Variants in UNC5C observed in about 807,000 individuals in gnomAD.
UNC5C encodes netrin receptor UNC5C.
In UNC5C, 47 loss-of-function variants were observed where a neutral mutation model predicts 99.8. The observed-to-expected ratio is 0.47, with a 90% CI of 0.37 to 0.60. The LOEUF (loss-of-function observed/expected upper bound fraction) is 0.60. Ranked by LOEUF, UNC5C falls within the 20% of genes least tolerant of loss-of-function variation. UNC5C has a pLI of 0.00. For missense variants in UNC5C, 1,062 were observed against 1,165.9 expected, an observed-to-expected ratio of 0.91 and a Z score of 1.30; for synonymous variants, 487 against 452.2, an observed-to-expected ratio of 1.08 and a Z score of -0.98.
chr4:95,515,126 T>C lies in UNC5C; in HGVS notation c.124+33608A>G, dbSNP rs80335841. 3.5e-3 allele frequency among the ~76,000 whole-genome samples: 533 copies of C among 152,308 alleles called. 2 individuals are homozygous for C. Among genetic ancestry groups the C allele is most frequent in the African/African-American group, 0.013 (523 of 41,570 alleles). On this transcript the variant is annotated intron_variant, in intron 1 of 15. Coordinates refer to ENST00000453304, the MANE Select transcript of UNC5C (RefSeq NM_003728.4). ...TCAACTGTTTTACACATACTTTATA[T>C]ATGTAACATGGAAAGCTAACAATGA... is the stretch of plus-strand genomic sequence containing the variant.
At chr4:95,357,546 G>A (rs1389578518) in intron 1 of UNC5C, among the ~76,000 whole-genome samples, 1 of 152,078 alleles carries the variant, frequency 6.6e-6, no homozygotes, top group African/African-American at 2.4e-5. Context: ...ACTTTGGGAG[G>A]CTGAGGCCAG....
At chr4:95,506,433 T>C (rs1721924609) in intron 1 of UNC5C, among the ~76,000 whole-genome samples, 1 of 151,942 alleles carries the variant, frequency 6.6e-6, no homozygotes, top group South Asian at 2.1e-4. Flanking sequence ...TGCATGATGG[T>C]TTTTGGCTCT....
intron 3 of UNC5C, among the ~76,000 whole-genome samples, chr4:95,299,779 C>T (rs888315315): frequency 6.6e-6 from 1 of 152,140 alleles, no homozygotes; most frequent in African/African-American, 2.4e-5. Context: ...TAGGGAAAAT[C>T]CACCCCCATG....
At chr4:95,443,339 A>G (rs1038312690) in intron 1 of UNC5C, among the ~76,000 whole-genome samples, 3 of 152,214 alleles carry the variant, frequency 2.0e-5, no homozygotes, top group African/African-American at 7.2e-5. Context: ...TTATTTTTCA[A>G]GTATAATTAG....
chr4:95,504,755 G>C (rs1220717994), intron 1 of UNC5C, among the ~76,000 whole-genome samples: 1 of 151,938 alleles, frequency 6.6e-6, no homozygotes, highest in East Asian at 1.9e-4. Context: ...TCTTTAAAAA[G>C]CTTTTGCAAA....
chr4:95,521,722 A>G (rs1447752292), intron 1 of UNC5C, among the ~76,000 whole-genome samples: 2 of 152,374 alleles, frequency 1.3e-5, no homozygotes, highest in East Asian at 3.9e-4. Context: ...AGCTACGTAG[A>G]TATTCATAAA....
chr4:95,475,690 G>A lies in UNC5C; in HGVS notation c.124+73044C>T, dbSNP rs150305529. Among the ~76,000 whole-genome samples the A allele has an allele frequency of 2.6e-3, 400 of 152,146 alleles. 2 individuals are homozygous for A. Among genetic ancestry groups the A allele is most frequent in the African/African-American group, 9.1e-3 (377 of 41,540 alleles). On this transcript the variant is annotated intron_variant, in intron 1 of 15. Transcript: ENST00000453304. ...TCACAAAAAAGGGTTTTAAAAATAA[G>A]TTCTCCCATACTAAAACAAACAGCT...
intron 1 of UNC5C, among the ~76,000 whole-genome samples, chr4:95,412,671 A>G (rs1578148829): frequency 6.6e-6 from 1 of 152,212 alleles, no homozygotes; most frequent in East Asian, 1.9e-4. Flanking sequence ...ACCATTTACA[A>G]TTTATTTCAT....
intron 10 of UNC5C, among the ~76,000 whole-genome samples, chr4:95,207,354 T>C (rs1052614337): frequency 5.9e-5 from 9 of 152,176 alleles, no homozygotes; most frequent in African/African-American, 2.2e-4. Flanking sequence ...AATATAGAAC[T>C]GTATTTATAC....
chr4:95,258,743 A>ACTCTTTTTTTTTT (rs1184674099), intron 4 of UNC5C, among the ~76,000 whole-genome samples: 1 of 85,868 alleles, frequency 1.2e-5, no homozygotes. Flanking sequence ...CGACCATCTT[A>ACTCTTTTTTTTTT]TTCTTTTTTT....
At chr4:95,341,917 C>G (rs1254628604) in intron 1 of UNC5C, among the ~76,000 whole-genome samples, 1 of 152,008 alleles carries the variant, frequency 6.6e-6, no homozygotes, top group Non-Finnish European at 1.5e-5. Context: ...ACAGCAGAAA[C>G]CAAAATGGGG....
chr4:95,348,627 C>G (rs1743869093), intron 1 of UNC5C, among the ~76,000 whole-genome samples: 1 of 148,550 alleles, frequency 6.7e-6, no homozygotes, highest in African/African-American at 2.5e-5. Flanking sequence ...CTGTATAGTA[C>G]TCCATTGTGT....
At chr4:95,325,742 G>A (rs889288716) in intron 2 of UNC5C, among the ~76,000 whole-genome samples, 3 of 152,062 alleles carry the variant, frequency 2.0e-5, no homozygotes, top group Non-Finnish European at 2.9e-5. Flanking sequence ...AAGAGCAAAG[G>A]CCTTCAAGAA....
chr4:95,186,432 T>A (rs1736832580), intron 12 of UNC5C, among the ~76,000 whole-genome samples: 1 of 152,112 alleles, frequency 6.6e-6, no homozygotes, highest in African/African-American at 2.4e-5. Context: ...GAAAAATGCA[T>A]CCACCTTGCA....
intron 3 of UNC5C, among the ~76,000 whole-genome samples, chr4:95,284,544 T>C (rs1374709740): frequency 6.6e-6 from 1 of 152,158 alleles, no homozygotes. Context: ...CACAGAACTT[T>C]TTGGACACTT....
chr4:95,270,146 G>T (rs551690912), intron 4 of UNC5C, among the ~76,000 whole-genome samples: 2 of 152,272 alleles, frequency 1.3e-5, no homozygotes, highest in South Asian at 2.1e-4. Context: ...CTGGTGAAAG[G>T]TATCTCACCT....
intron 1 of UNC5C, among the ~76,000 whole-genome samples, chr4:95,491,518 G>A (rs918983975): frequency 6.6e-6 from 1 of 151,574 alleles, no homozygotes; most frequent in Non-Finnish European, 1.5e-5. Context: ...TTACTGTGCA[G>A]TTAGTTGTTA....
intron 1 of UNC5C, among the ~76,000 whole-genome samples, chr4:95,455,984 A>G (rs1024489387): frequency 1.3e-5 from 2 of 152,144 alleles, no homozygotes; most frequent in Non-Finnish European, 2.9e-5. Flanking sequence ...TTTGAAAGCC[A>G]GCTGGATAGA....
chr4:95,447,270 C>G (rs979942087), intron 1 of UNC5C, among the ~76,000 whole-genome samples: 1 of 152,144 alleles, frequency 6.6e-6, no homozygotes, highest in South Asian at 2.1e-4. Context: ...CAGAGAGATA[C>G]GAAATCCAAA....
Sources: allele counts gnomAD v4.1 joint callset (sites outside exome capture counted in the v4.1 genomes callset), GRCh38; gene constraint gnomAD v4.1.1; transcripts MANE v1.5; gene names NCBI Gene and HGNC (gene_info 2026-07-23, HGNC 2026-07-21).